The following PPME1 variants were observed in gnomAD, a reference collection of about 807,000 sequenced individuals.
PPME1 encodes the protein protein phosphatase methylesterase 1, also known as testicular secretory protein Li 39.
PPME1 carries 17 observed loss-of-function variants against 56.9 expected under a neutral mutation model. The ratio of observed to expected loss-of-function variants is 0.30; its 90% CI spans 0.20 to 0.45. PPME1 has a LOEUF of 0.45. Among genes scored for constraint, PPME1 ranks in the 20% least tolerant of loss-of-function variants. PPME1 has a pLI of 1.00. For missense variants in PPME1, 357 were observed against 483.2 expected, an observed-to-expected ratio of 0.74 and a Z score of 2.45; for synonymous variants, 122 against 156.2, an observed-to-expected ratio of 0.78 and a Z score of 1.63.
intron 1 of PPME1, among the ~76,000 whole-genome samples, chr11:74,177,053 A>G (rs1857417732): frequency 6.6e-6 from 1 of 152,098 alleles, no homozygotes; most frequent in African/African-American, 2.4e-5. Context: ...TTATCTTGAT[A>G]TGCAAAGTGA....
chr11:74,239,395 C>T (rs1290412127), intron 9 of PPME1, 139 bp downstream of exon 9: 2 of 1,338,808 alleles, frequency 1.5e-6, no homozygotes, highest in East Asian at 2.5e-5. Flanking sequence ...ATAAGAGATA[C>T]TTAGCTTAAC....
rs1857896493 is a variant in PPME1 at position 74,193,452 on chromosome 11, G to A, written c.102-10276G>A. On this transcript the variant is annotated intron_variant, in intron 1 of 13. Transcript: ENST00000328257. ...TCCCATCTCCAGGATATCTCATTGT[G>A]TATATGCAGATAATCCAAAATTAAA... Among the ~76,000 whole-genome samples the A allele has an allele frequency of 2.6e-5, 4 of 152,178 alleles. No individual in the cohort carries two copies. The South Asian group carries it at 8.3e-4, about 32-fold the overall frequency.
At chr11:74,233,513 T>A (rs1859118571) in intron 7 of PPME1, among the ~76,000 whole-genome samples, 1 of 152,118 alleles carries the variant, frequency 6.6e-6, no homozygotes, top group South Asian at 2.1e-4. Context: ...GGTATAGTCA[T>A]TAAGAACCTG....
At chr11:74,213,542 T>C (rs1046884922) in intron 3 of PPME1, among the ~76,000 whole-genome samples, 1 of 152,260 alleles carries the variant, frequency 6.6e-6, no homozygotes, top group African/African-American at 2.4e-5. Context: ...AGTGTTGTGA[T>C]GGCTTCAGGT....
chr11:74,252,875 C>A (rs1473355701), intron 13 of PPME1, among the ~76,000 whole-genome samples: 1 of 152,100 alleles, frequency 6.6e-6, no homozygotes, highest in African/African-American at 2.4e-5. Context: ...GCATGTTGAC[C>A]AAACCAGGTG....
chr11:74,237,880 T>G (rs1054307330), intron 8 of PPME1: 1 of 152,228 alleles, frequency 6.6e-6, no homozygotes, highest in African/African-American at 2.4e-5. Flanking sequence ...CCTGTGAGAC[T>G]GCCCACTTTT....
At chr11:74,187,381 A>G (rs1264001993) in intron 1 of PPME1, among the ~76,000 whole-genome samples, 1 of 152,076 alleles carries the variant, frequency 6.6e-6, no homozygotes, top group African/African-American at 2.4e-5. Flanking sequence ...TGAACACTGG[A>G]TGTCTTTCTT....
intron 9 of PPME1, among the ~76,000 whole-genome samples, chr11:74,239,832 G>T (rs1458864690): frequency 6.6e-6 from 1 of 151,808 alleles, no homozygotes; most frequent in Non-Finnish European, 1.5e-5. Context: ...CACCCGCCTT[G>T]GCCTCCCAAA....
chr11:74,197,382 T>G (rs1236410151), intron 1 of PPME1, among the ~76,000 whole-genome samples: 1 of 152,146 alleles, frequency 6.6e-6, no homozygotes, highest in African/African-American at 2.4e-5. Flanking sequence ...GGATCTCACA[T>G]TAGTGGTGAA....
At position 74,239,401 on chromosome 11, in the gene PPME1, T is replaced by G. The variant is rs370662291; in HGVS notation, c.834+145T>G. The G allele has an allele frequency of 9.0e-6, 12 of 1,333,660 alleles. No individual in the cohort carries two copies. In the African/African-American group the frequency reaches 1.8e-4, roughly 20 times the overall value. The allele number at this position is 1,333,660 out of a possible 1,614,324, so 82.6% of individuals were successfully genotyped here. On this transcript the variant is annotated intron_variant, in intron 9 of 13. Coordinates refer to ENST00000328257, the MANE Select transcript of PPME1 (RefSeq NM_016147.3). ...GACACTATCATAAGAGATACTTAGC[T>G]TAACTATAAGATGTAAAGCACTGTT...
intron 3 of PPME1, among the ~76,000 whole-genome samples, chr11:74,219,718 G>A (rs1274621269): frequency 6.6e-6 from 1 of 152,110 alleles, no homozygotes; most frequent in Admixed American, 6.6e-5. Context: ...AGAGTAGAAG[G>A]ATGGTTACCA....
In PPME1 at chr11:74,247,128, G is replaced by C. The variant is rs984187066; in HGVS notation, c.1009+5G>C. 2 of 1,608,738 alleles carry C rather than the reference G, an allele frequency of 1.2e-6. No individual in the cohort carries two copies. Among genetic ancestry groups the C allele is most frequent in the African/African-American group, 2.7e-5 (2 of 74,830 alleles). On this transcript the variant is annotated splice_donor_5th_base_variant and intron_variant, in intron 11 of 13. Coordinates refer to ENST00000328257, the MANE Select transcript of PPME1 (RefSeq NM_016147.3). ...TGACCATTGGCCAGATGCAAGGTAA[G>C]TTATCAAGAAATTATACCCCTGGAC... is the stretch of plus-strand genomic sequence containing the variant.
rs1200653616 is a variant in PPME1, at chr11:74,196,620, G to A, written c.102-7108G>A. Among the ~76,000 whole-genome samples, 4 of 149,406 alleles carry A rather than the reference G, an allele frequency of 2.7e-5. No individual in the cohort carries two copies. In the East Asian group the frequency reaches 7.9e-4, roughly 29 times the overall value. On this transcript the variant is annotated intron_variant, in intron 1 of 13. Coordinates refer to ENST00000328257, the MANE Select transcript of PPME1 (RefSeq NM_016147.3). ...AGAAAGAATTCAGGGCGAGTCCACA[G>A]TGCAAAGTAAAAGCAAGTTTACTAA...
At chr11:74,180,771 C>T (rs147424602) in intron 1 of PPME1, among the ~76,000 whole-genome samples, 2,573 of 152,266 alleles carry the variant, frequency 0.017, 40 homozygotes, top group African/African-American at 0.03. Flanking sequence ...TGTCAATTAG[C>T]AATTATTTTC....
chr11:74,221,440 T>C (rs1250360021), intron 3 of PPME1, among the ~76,000 whole-genome samples: 2 of 152,134 alleles, frequency 1.3e-5, no homozygotes, highest in African/African-American at 4.8e-5. Context: ...ATTTTAAAAA[T>C]ATGACTTAAG....
intron 3 of PPME1, among the ~76,000 whole-genome samples, chr11:74,215,250 A>AGG (rs1858599727): frequency 1.3e-5 from 2 of 152,112 alleles, no homozygotes; most frequent in African/African-American, 4.8e-5. Flanking sequence ...CTGATGTGGG[A>AGG]GGATTGCTTG....
At chr11:74,214,742 A>C (rs1858581535) in intron 3 of PPME1, among the ~76,000 whole-genome samples, 2 of 152,158 alleles carry the variant, frequency 1.3e-5, no homozygotes, top group South Asian at 4.1e-4. Context: ...AATATCCTTC[A>C]AACATGTAAA....
At chr11:74,191,590 G>T (rs1857839651) in intron 1 of PPME1, among the ~76,000 whole-genome samples, 1 of 152,212 alleles carries the variant, frequency 6.6e-6, no homozygotes, top group South Asian at 2.1e-4. Context: ...TAGGAGGAGA[G>T]AATGGTTTCA....
intron 1 of PPME1, among the ~76,000 whole-genome samples, chr11:74,174,331 G>T (rs1477305141): frequency 6.6e-6 from 1 of 152,064 alleles, no homozygotes; most frequent in Non-Finnish European, 1.5e-5. Flanking sequence ...TGTCATCTGG[G>T]GATACTTATT....
Sources: allele counts gnomAD v4.1 joint callset (sites outside exome capture counted in the v4.1 genomes callset), GRCh38; gene constraint gnomAD v4.1.1; transcripts MANE v1.5; gene names NCBI Gene and HGNC (gene_info 2026-07-23, HGNC 2026-07-21).